The following DIP2C variants were observed in gnomAD, a reference collection of about 807,000 sequenced individuals.
The protein encoded by DIP2C is disco-interacting protein 2 homolog C.
A neutral mutation model predicts 192.4 loss-of-function variants in DIP2C; 33 were observed. The observed-to-expected ratio is 0.17, with a 90% CI of 0.13 to 0.23. DIP2C has a LOEUF of 0.23. Ranked by LOEUF, DIP2C falls within the 10% of genes least tolerant of loss-of-function variation. The pLI is 1.00. For synonymous variants in DIP2C, 979 were observed against 864.1 expected, an observed-to-expected ratio of 1.13 and a Z score of -2.33; for missense variants, 1,537 against 2,110.1, an observed-to-expected ratio of 0.73 and a Z score of 5.32.
intron 2 of DIP2C, among the ~76,000 whole-genome samples, chr10:484,400 C>G (rs1261079639): frequency 6.6e-6 from 1 of 152,192 alleles, no homozygotes; most frequent in Non-Finnish European, 1.5e-5. Context: ...ATCTCAGAGG[C>G]CAAGACCCAT....
chr10:601,112 T>TA (rs922480854), intron 1 of DIP2C, among the ~76,000 whole-genome samples: 4 of 152,182 alleles, frequency 2.6e-5, no homozygotes, highest in African/African-American at 9.7e-5. Flanking sequence ...CTTGTTTGGT[T>TA]AAGAAAAACC....
intron 3 of DIP2C, among the ~76,000 whole-genome samples, chr10:447,190 C>CA (rs72504958): frequency 0.15 from 21,705 of 147,996 alleles, 4,070 homozygotes; most frequent in African/African-American, 0.46. Flanking sequence ...CTCAGGATCA[C>CA]ACACAGTGGA....
chr10:449,782 T>TAA (rs59436219), intron 3 of DIP2C, among the ~76,000 whole-genome samples: 1,360 of 127,196 alleles, frequency 0.011, 24 homozygotes, highest in African/African-American at 0.027. Context: ...AAAGTATAAT[T>TAA]AAAAAAAAAA....
chr10:674,798 A>AGAGAGAGAGAGC (rs1830811473), intron 1 of DIP2C, among the ~76,000 whole-genome samples: 1 of 140,260 alleles, frequency 7.1e-6, no homozygotes, highest in African/African-American at 2.7e-5. Context: ...ATAGAGAGAG[A>AGAGAGAGAGAGC]GAGAGAGAGA....
intron 3 of DIP2C, among the ~76,000 whole-genome samples, chr10:458,876 A>G (rs1019442097): frequency 7.9e-5 from 12 of 152,230 alleles, no homozygotes; most frequent in African/African-American, 2.9e-4. Context: ...ATTTGCTGAA[A>G]GAATACTAGA....
intron 1 of DIP2C, among the ~76,000 whole-genome samples, chr10:627,216 C>T (rs1411514048): frequency 6.6e-6 from 1 of 152,198 alleles, no homozygotes; most frequent in African/African-American, 2.4e-5. Flanking sequence ...CTCAGGCCCC[C>T]GAAGCTGCTT....
At chr10:319,526 T>C (rs1248507526) in intron 31 of DIP2C, among the ~76,000 whole-genome samples, 2 of 152,176 alleles carry the variant, frequency 1.3e-5, no homozygotes, top group Non-Finnish European at 2.9e-5. Flanking sequence ...CAGTGAACAA[T>C]ATCTCTAAAT....
chr10:398,688 G>A (rs940893072), intron 10 of DIP2C, among the ~76,000 whole-genome samples: 1 of 152,162 alleles, frequency 6.6e-6, no homozygotes, highest in Non-Finnish European at 1.5e-5. Flanking sequence ...ACAATGGCAA[G>A]TTTAGTAGCT....
At chr10:356,862 TCC>T (rs1238151300) in intron 23 of DIP2C, among the ~76,000 whole-genome samples, 1 of 152,168 alleles carries the variant, frequency 6.6e-6, no homozygotes, top group Non-Finnish European at 1.5e-5. Flanking sequence ...TGCACAGAAA[TCC>T]CTTCTCCTGG....
At chr10:686,323 G>A (rs971503315) in intron 1 of DIP2C, among the ~76,000 whole-genome samples, 1 of 151,104 alleles carries the variant, frequency 6.6e-6, no homozygotes, top group African/African-American at 2.4e-5. Flanking sequence ...CACCTGCGGG[G>A]CCTCTCCACT....
chr10:450,041 C>A (rs1240636865), intron 3 of DIP2C, among the ~76,000 whole-genome samples: 5 of 152,046 alleles, frequency 3.3e-5, no homozygotes, highest in Non-Finnish European at 7.4e-5. Flanking sequence ...CTCACCATCT[C>A]GAATGGGGAA....
intron 14 of DIP2C, among the ~76,000 whole-genome samples, 193 bp from the exon 15 acceptor site, chr10:384,832 A>G (rs1013494473): frequency 6.7e-6 from 1 of 148,744 alleles, no homozygotes; most frequent in African/African-American, 2.5e-5. Flanking sequence ...AGAGGGGCAT[A>G]GTGGAGGAGC....
chr10:475,227 T>A (rs1332359941), intron 2 of DIP2C, among the ~76,000 whole-genome samples: 4 of 152,218 alleles, frequency 2.6e-5, no homozygotes, highest in African/African-American at 9.6e-5. Context: ...GCTCCATGTG[T>A]ACAGCACCCA....
chr10:500,056 G>T (rs1845118840), intron 1 of DIP2C, among the ~76,000 whole-genome samples: 1 of 152,200 alleles, frequency 6.6e-6, no homozygotes, highest in Admixed American at 6.5e-5. Context: ...CAGACCCAGG[G>T]AATAAAACTA....
chr10:519,953 C>T (rs767946503), intron 1 of DIP2C, among the ~76,000 whole-genome samples: 3 of 152,222 alleles, frequency 2.0e-5, no homozygotes, highest in African/African-American at 2.4e-5. Flanking sequence ...CCCAAAGAAC[C>T]CTTCTCCGTC....
chr10:594,492 C>T (rs1469250529), intron 1 of DIP2C, among the ~76,000 whole-genome samples: 2 of 151,780 alleles, frequency 1.3e-5, no homozygotes, highest in Non-Finnish European at 2.9e-5. Context: ...GGAACATGGC[C>T]GAGTACAAAC....
Position 286,336 on chromosome 10 carries a change from C to G in DIP2C, c.4056G>C (p.Gly1352=), listed in dbSNP as rs1326330905. The part of the protein sequence containing the change: ...PLMESGKILP[G]VRIIIANPET... ...CTGGGTTGGCAATTATAATCCGAACCCCTGGAAGTATCTATTTGGGAGAGG... is the reference window on the plus strand; with the variant it reads ...CTGGGTTGGCAATTATAATCCGAACGCCTGGAAGTATCTATTTGGGAGAGG... The change falls in exon 34 of 37, where the codon GGG becomes GGC. Residue 1352 remains glycine (G), a synonymous_variant. Coordinates refer to ENST00000280886, the MANE Select transcript of DIP2C (RefSeq NM_014974.3). 3 of 1,613,944 alleles carry G rather than the reference C, an allele frequency of 1.9e-6. No individual in the cohort carries two copies. Among genetic ancestry groups the G allele is most frequent in the African/African-American group, 1.3e-5 (1 of 74,892 alleles).
At chr10:496,213 A>G (rs1244610326) in intron 1 of DIP2C, among the ~76,000 whole-genome samples, 1 of 149,994 alleles carries the variant, frequency 6.7e-6, no homozygotes, top group African/African-American at 2.5e-5. Context: ...ATTACTCTTA[A>G]TACCCCAAAC....
At chr10:316,905 A>C (rs1369790613) in intron 31 of DIP2C, among the ~76,000 whole-genome samples, 1 of 152,162 alleles carries the variant, frequency 6.6e-6, no homozygotes, top group African/African-American at 2.4e-5. Flanking sequence ...AACCACATAC[A>C]GGTCTCTTTT....
Sources: allele counts gnomAD v4.1 joint callset (sites outside exome capture counted in the v4.1 genomes callset), GRCh38; gene constraint gnomAD v4.1.1; transcripts MANE v1.5; gene names NCBI Gene and HGNC (gene_info 2026-07-23, HGNC 2026-07-21).